CWH43: variants seen among roughly 807,000 people sequenced by gnomAD.
CWH43 encodes the protein PGAP2-interacting protein.
A neutral mutation model predicts 85.7 loss-of-function variants in CWH43; 91 were observed. The observed-to-expected ratio is 1.06, with a 90% confidence interval of 0.90 to 1.26. The LOEUF is 1.26. Ranked by LOEUF, CWH43 falls within the 50% of genes most tolerant of loss-of-function variation. The pLI is 0.00. For missense variants in CWH43, 869 were observed against 839.2 expected (o/e 1.04, Z -0.44); for synonymous variants, 323 against 293.6 (o/e 1.10, Z -1.02).
At chr4:49,054,010 T>C (rs528698868) in intron 15 of CWH43, among the ~76,000 whole-genome samples, 69 of 152,290 alleles carry the variant, frequency 4.5e-4, no homozygotes, top group African/African-American at 1.6e-3. Flanking sequence ...AGAAGCTTGT[T>C]AGTTCGATAG....
chr4:49,042,826 T>A (rs572058234), intron 13 of CWH43, among the ~76,000 whole-genome samples: 1 of 152,286 alleles, frequency 6.6e-6, no homozygotes, highest in East Asian at 1.9e-4. Flanking sequence ...AGAGACTGTA[T>A]CAGTTATTTA....
At chr4:49,018,934 G>A (rs1440969262) in intron 9 of CWH43, among the ~76,000 whole-genome samples, 1 of 152,102 alleles carries the variant, frequency 6.6e-6, no homozygotes, top group Non-Finnish European at 1.5e-5. Flanking sequence ...TCCTTTAACT[G>A]TCGGTCATTA....
intron 13 of CWH43, among the ~76,000 whole-genome samples, chr4:49,040,873 T>G (rs1468902943): frequency 6.6e-6 from 1 of 152,214 alleles, no homozygotes; most frequent in Non-Finnish European, 1.5e-5. Flanking sequence ...TTTTATGGTT[T>G]TAGGTCTAAC....
At position 49,049,203 on chromosome 4, in the gene CWH43, T is replaced by C. The variant is rs531618721; in HGVS notation, c.1866-1491T>C. On this transcript the variant is annotated intron_variant, in intron 14 of 15. Coordinates refer to ENST00000226432, the MANE Select transcript of CWH43 (RefSeq NM_025087.3). ...TGAGCCCAGACAATGCATTAAGCTG[T>C]CTGACAGCTCAGAGTCACATCTGAT... Among the ~76,000 whole-genome samples the C allele has an allele frequency of 1.8e-4, 27 of 152,294 alleles. No individual in the cohort carries two copies. The East Asian group carries it at 1.9e-3, about 11-fold the overall frequency.
rs185711700 is a variant in CWH43 at position 49,045,027 on chromosome 4, C to T, written c.1865+180C>T. On this transcript the variant is annotated intron_variant, in intron 14 of 15. Coordinates refer to ENST00000226432, the MANE Select transcript of CWH43 (RefSeq NM_025087.3). ...TTTAACATCTTTTTCAAGGCATAGT[C>T]TCATAATTTACAAAAGTAGAAATAG... Among the ~76,000 whole-genome samples the T allele has an allele frequency of 1.4e-4, 22 of 152,194 alleles. No homozygotes were observed. The East Asian group carries it at 3.3e-3, about 23-fold the overall frequency.
Position 49,017,272 on chromosome 4 carries a change from G to A in CWH43, c.1210G>A (p.Gly404Arg), listed in dbSNP as rs1783580628. The change falls in exon 9 of 16, where the codon GGA becomes AGA. Residue 404 changes from glycine to arginine, a missense_variant. Gly to Arg is a moderately radical substitution (Grantham distance 125). Around this residue, in one of 3 missense-constraint regions of CWH43, gnomAD observed 577 missense variants for 513.1 expected, o/e 1.12. Transcript: ENST00000226432. ...KLFLWLLVGVGLLGLGLRHKA... is the reference protein window; with the variant it reads ...KLFLWLLVGVRLLGLGLRHKA... Reference sequence around the variant, plus strand: ...AGTTCTGTGGCTGCTTGTTGGTGTGGGATTGTTGGGATTAGGACTACGGCA... The same window carrying A: ...AGTTCTGTGGCTGCTTGTTGGTGTGAGATTGTTGGGATTAGGACTACGGCA... 6.2e-7 allele frequency: 1 copy of A among 1,611,900 alleles called. No individual in the cohort carries two copies.
intron 8 of CWH43, among the ~76,000 whole-genome samples, chr4:49,013,857 T>C (rs1010212281): frequency 2.0e-5 from 3 of 152,186 alleles, no homozygotes; most frequent in African/African-American, 7.2e-5. Flanking sequence ...ATCTCAAACA[T>C]GAAATTAGTT....
At position 49,061,863 on chromosome 4, in the gene CWH43, T is replaced by C. The variant is rs1785170900; in HGVS notation, c.2073T>C (p.His691=). 5.0e-6 allele frequency: 7 copies of C among 1,390,594 alleles called. No individual in the cohort carries two copies. The highest frequency in any genetic ancestry group is 5.7e-6 in the Non-Finnish European group (6 of 1,046,248). 86.1% of individuals were successfully genotyped at this position (1,390,594 alleles called of 1,614,324 possible). The change falls in exon 16 of 16, where the codon CAT becomes CAC. Residue 691 remains histidine (H), a synonymous_variant. Coordinates refer to ENST00000226432, the MANE Select transcript of CWH43 (RefSeq NM_025087.3). Reference sequence around the variant, plus strand: ...ATTATGAAAACAACCATCATTTTCATATGAATACTCCCAAATACTTTTTAT... The same window carrying C: ...ATTATGAAAACAACCATCATTTTCACATGAATACTCCCAAATACTTTTTAT... ...GHNYENNHHF[H]MNTPKYFL is the part of the protein sequence containing the mutation.
chr4:49,016,949 C>G lies in CWH43; in HGVS notation c.1187-300C>G, dbSNP rs191437727. Reference sequence around the variant, plus strand: ...TCTCCCCAGTAAAGGCCCCATTAGTCACTTTGTAGCAGTTCTGCGCAGGCA... The same window carrying G: ...TCTCCCCAGTAAAGGCCCCATTAGTGACTTTGTAGCAGTTCTGCGCAGGCA... On this transcript the variant is annotated intron_variant, in intron 8 of 15. Coordinates refer to ENST00000226432, the MANE Select transcript of CWH43 (RefSeq NM_025087.3). The G allele has an allele frequency of 2.3e-4, 182 of 783,700 alleles. No individual in the cohort carries two copies. In the African/African-American group the frequency reaches 2.9e-3, roughly 13 times the overall value. The allele number at this position is 783,700 out of a possible 1,614,324, so 48.5% of individuals were successfully genotyped here. A position where few individuals can be genotyped will look rare whatever the true frequency, so the allele number is the denominator to read the frequency against.
intron 9 of CWH43, among the ~76,000 whole-genome samples, chr4:49,026,398 TGGTA>T (rs1783917419): frequency 6.6e-6 from 1 of 152,208 alleles, no homozygotes; most frequent in South Asian, 2.1e-4. Context: ...CATGTTCCTG[TGGTA>T]GTTCTTGGAG....
chr4:49,061,051 AT>A (rs1785143638), intron 15 of CWH43, among the ~76,000 whole-genome samples: 1 of 152,160 alleles, frequency 6.6e-6, no homozygotes, highest in Non-Finnish European at 1.5e-5. Context: ...ATGCACCAAC[AT>A]TTAGCTAATC....
chr4:48,986,862 G>C, intron 1 of CWH43: 7 of 975,514 alleles, frequency 7.2e-6, no homozygotes, highest in Non-Finnish European at 8.6e-6. Context: ...TTAAAATTCA[G>C]AAGGAAAGGG....
chr4:49,060,813 A>G (rs1235602457), intron 15 of CWH43, among the ~76,000 whole-genome samples: 2 of 152,184 alleles, frequency 1.3e-5, no homozygotes, highest in African/African-American at 4.8e-5. Context: ...CTATTTTGCC[A>G]TCTTGCTGAC....
intron 7 of CWH43, among the ~76,000 whole-genome samples, chr4:49,004,464 G>A (rs2109762266): frequency 6.6e-6 from 1 of 152,330 alleles, no homozygotes; most frequent in Admixed American, 6.5e-5. Flanking sequence ...ACAGCTCACT[G>A]CAGCCTTGAG....
chr4:49,013,271 G>T lies in CWH43; in HGVS notation c.1187-3978G>T, dbSNP rs146409956. ...GACTGCTGCACTAGCAGTGAGCAAG[G>T]CTCCCTGTGTGAGGTACCCACCCAG... On this transcript the variant is annotated intron_variant, in intron 8 of 15. Transcript: ENST00000226432. 8.4e-3 allele frequency among the ~76,000 whole-genome samples: 1,281 copies of T among 152,380 alleles called. 8 individuals are homozygous for T. Among genetic ancestry groups the T allele is most frequent in the Non-Finnish European group, 0.012 (844 of 68,036 alleles).
At chr4:49,000,438 C>T (rs1437860783) in intron 6 of CWH43, among the ~76,000 whole-genome samples, 1 of 152,014 alleles carries the variant, frequency 6.6e-6, no homozygotes, top group Non-Finnish European at 1.5e-5. Flanking sequence ...TTTGTGTGTA[C>T]CTAAGAGTAA....
At chr4:49,056,930 G>A (rs897988447) in intron 15 of CWH43, among the ~76,000 whole-genome samples, 1 of 151,980 alleles carries the variant, frequency 6.6e-6, no homozygotes, top group Non-Finnish European at 1.5e-5. Flanking sequence ...GGAAAGTTTT[G>A]TTTAATTTCT....
At chr4:49,008,991 G>C (rs578134705) in intron 8 of CWH43, among the ~76,000 whole-genome samples, 108 of 152,264 alleles carry the variant, frequency 7.1e-4, no homozygotes, top group Admixed American at 1.1e-3. Flanking sequence ...CTTTAAAGTA[G>C]TTTTTTCCAA....
chr4:49,040,739 T>G (rs1784433420), intron 13 of CWH43, among the ~76,000 whole-genome samples: 2 of 152,224 alleles, frequency 1.3e-5, no homozygotes, highest in Admixed American at 1.3e-4. Flanking sequence ...CAGAAGCTCT[T>G]TAGTTTAATT....
Sources: gnomAD v4.1 joint callset for allele counts (sites outside exome capture counted in the v4.1 genomes callset) on GRCh38, gnomAD v4.1.1 for gene constraint, gnomAD v4.1.1 regional missense constraint, MANE v1.5 for transcripts, NCBI Gene and HGNC (gene_info 2026-07-23, HGNC 2026-07-21) for gene names.